FER1L6: variants seen among roughly 807,000 people sequenced by gnomAD.
FER1L6 encodes the protein fer-1 like family member 6.
In FER1L6, 177 loss-of-function variants were observed where a neutral mutation model predicts 219.2. That is an observed-to-expected ratio of 0.81 (90% CI 0.71 to 0.91). The LOEUF is 0.91. Ranked by LOEUF, FER1L6 falls within the 40% of genes least tolerant of loss-of-function variation. The pLI is 0.00. For synonymous variants in FER1L6, 768 were observed against 824.3 expected, an observed-to-expected ratio of 0.93 and a Z score of 1.17; for missense variants, 2,153 against 2,259.9, an observed-to-expected ratio of 0.95 and a Z score of 0.96.
chr8:124,096,231 T>G (rs938639961), intron 35 of FER1L6, among the ~76,000 whole-genome samples: 5 of 152,368 alleles, frequency 3.3e-5, no homozygotes, highest in Admixed American at 2.6e-4. Context: ...GCTGGTCAGA[T>G]GTGGCTTTTT....
chr8:124,095,512 G>A (rs1239117040), intron 35 of FER1L6, among the ~76,000 whole-genome samples: 1 of 152,160 alleles, frequency 6.6e-6, no homozygotes, highest in Non-Finnish European at 1.5e-5. Flanking sequence ...TAGGTGGTAG[G>A]TTACCTTAAA....
intron 32 of FER1L6, among the ~76,000 whole-genome samples, chr8:124,077,838 T>C (rs541408157): frequency 9.8e-5 from 15 of 152,286 alleles, no homozygotes; most frequent in African/African-American, 3.4e-4. Flanking sequence ...AACAAAAGTT[T>C]CCAGCACAAT....
chr8:124,056,700 T>C (rs371365844), intron 22 of FER1L6, among the ~76,000 whole-genome samples: 3 of 152,148 alleles, frequency 2.0e-5, no homozygotes, highest in Middle Eastern at 3.2e-3. Context: ...CACCCTAAAA[T>C]AGGCTTAATG....
rs369383564 is a variant in FER1L6, at chr8:123,862,848, T to C, written c.-8+10663T>C. On this transcript the variant is annotated intron_variant, in intron 1 of 40. Coordinates refer to ENST00000522917, the MANE Select transcript of FER1L6 (RefSeq NM_001039112.2). ...ATATCCCCTTTATCATTTTTTATTG[T>C]GTCTATTTGATTCTTCTCTCTCTTT... Among the ~76,000 whole-genome samples the C allele has an allele frequency of 7.4e-3, 1,026 of 138,636 alleles. 14 individuals are homozygous for C. The highest frequency in any genetic ancestry group is 0.016 in the African/African-American group (550 of 33,456). The allele number at this position is 138,636 out of a possible 152,430, so 91.0% of individuals were successfully genotyped here.
chr8:124,023,957 C>A (rs1035574423), intron 18 of FER1L6, among the ~76,000 whole-genome samples: 3 of 150,012 alleles, frequency 2.0e-5, no homozygotes, highest in African/African-American at 7.4e-5. Context: ...AGTGCAGTGG[C>A]GTGACCTCGG....
chr8:124,060,623 T>C lies in FER1L6; in HGVS notation c.3061T>C (p.Cys1021Arg), dbSNP rs762670323. 58 of 1,613,940 alleles carry C rather than the reference T, an allele frequency of 3.6e-5. No homozygotes were observed. In the East Asian group the frequency reaches 5.8e-4, roughly 16 times the overall value. The change falls in exon 24 of 41, where the codon TGC (cysteine) becomes CGC (arginine). Residue 1021 changes from cysteine (C) to arginine (R), a missense_variant. By Grantham distance (180) the Cys-to-Arg change is radical (BLOSUM62 -3). Transcript: ENST00000522917. ...GGATCGGCCTCAGGCTCTCATTGAG[T>C]GCGGAGGACAAGGTGTGAAGTCCTG... Reference protein sequence around the residue: ...SVDRPQALIECGGQGVKSCVI... With the variant: ...SVDRPQALIERGGQGVKSCVI...
chr8:124,091,226 T>A (rs1822014352), intron 33 of FER1L6, among the ~76,000 whole-genome samples, 197 bp from the exon 34 acceptor site: 1 of 152,218 alleles, frequency 6.6e-6, no homozygotes, highest in Non-Finnish European at 1.5e-5. Context: ...CAAAACTACC[T>A]TCAAAGGATT....
At chr8:123,888,744 G>A (rs937985595) in intron 1 of FER1L6, among the ~76,000 whole-genome samples, 5 of 152,176 alleles carry the variant, frequency 3.3e-5, no homozygotes, top group Non-Finnish European at 5.9e-5. Context: ...AGACTGGTGA[G>A]TTTGTACTGC....
chr8:123,902,597 G>C (rs1309762408), intron 1 of FER1L6, among the ~76,000 whole-genome samples: 1 of 152,128 alleles, frequency 6.6e-6, no homozygotes, highest in Non-Finnish European at 1.5e-5. Context: ...TTTCTTTAAA[G>C]TTTGATTTGT....
In FER1L6 at chr8:124,111,240, T is replaced by G. The variant is rs984752726; in HGVS notation, c.5290-7604T>G. ...TTTTCAACAGGGAGAACTAAGCCTC[T>G]CATTTTTAATTTTTATTTGTTGCCC... On this transcript the variant is annotated intron_variant, in intron 39 of 40. Transcript: ENST00000522917. This position sits in a 1 kb window ranked among gnomAD's most constrained non-coding sequence, Gnocchi z 5.0. 4.6e-5 allele frequency among the ~76,000 whole-genome samples: 7 copies of G among 152,334 alleles called. No individual in the cohort carries two copies. Among genetic ancestry groups the G allele is most frequent in the African/African-American group, 1.7e-4 (7 of 41,584 alleles).
chr8:123,894,614 T>C (rs1261617695), intron 1 of FER1L6, among the ~76,000 whole-genome samples: 1 of 152,146 alleles, frequency 6.6e-6, no homozygotes, highest in Admixed American at 6.5e-5. Flanking sequence ...ACAGTGACAC[T>C]CCAATAGCAA....
At chr8:124,063,042 C>T (rs908186937) in intron 25 of FER1L6, among the ~76,000 whole-genome samples, 1 of 152,152 alleles carries the variant, frequency 6.6e-6, no homozygotes, top group Non-Finnish European at 1.5e-5. Flanking sequence ...TTTATTTTAA[C>T]TTGTATTTCT....
chr8:124,017,168 A>T (rs1165143339), intron 15 of FER1L6, among the ~76,000 whole-genome samples: 2 of 152,168 alleles, frequency 1.3e-5, no homozygotes, highest in African/African-American at 4.8e-5. Context: ...TTTCCTATTT[A>T]ACACATTTTT....
Position 123,853,841 on chromosome 8 carries a change from A to C in FER1L6, c.-8+1656A>C, listed in dbSNP as rs1416105774. On this transcript the variant is annotated intron_variant, in intron 1 of 40. Coordinates refer to ENST00000522917, the MANE Select transcript of FER1L6 (RefSeq NM_001039112.2). The surrounding 1 kb of genome is among the most constrained non-coding windows in gnomAD (Gnocchi z 6.6). ...AACATCGCGGCCTTGATGAAGCCACAGTGATGCTACCCAGGGACTCTGCAG... is the reference window on the plus strand; with the variant it reads ...AACATCGCGGCCTTGATGAAGCCACCGTGATGCTACCCAGGGACTCTGCAG... Among the ~76,000 whole-genome samples, 2 of 152,210 alleles carry C rather than the reference A, an allele frequency of 1.3e-5. No homozygotes were observed. The highest frequency in any genetic ancestry group is 4.8e-5 in the African/African-American group (2 of 41,454).
At chr8:124,115,460 C>A (rs114014825) in intron 39 of FER1L6, among the ~76,000 whole-genome samples, 3,004 of 152,130 alleles carry the variant, frequency 0.02, 86 homozygotes, top group African/African-American at 0.069. Flanking sequence ...TGGCGCAAGG[C>A]TCTTCATGAT....
rs535471573 is a variant in FER1L6, at chr8:123,977,420, C to G, written c.874C>G (p.Arg292Gly). 6.2e-7 allele frequency: 1 copy of G among 1,611,558 alleles called. No homozygotes were observed. Among genetic ancestry groups the G allele is most frequent in the Non-Finnish European group, 8.5e-7 (1 of 1,178,700 alleles). The change falls in exon 10 of 41, where the codon CGA becomes GGA. Residue 292 changes from arginine to glycine, a missense_variant. Coordinates refer to ENST00000522917, the MANE Select transcript of FER1L6 (RefSeq NM_001039112.2). Reference protein sequence around the residue: ...VEVSFAGQMGRTTVQKNCADP... With the variant: ...VEVSFAGQMGGTTVQKNCADP... ...GTCCTCCTGGCTGTGTTTTTAGGGG[C>G]GAACCACAGTGCAGAAGAACTGTGC...
At chr8:123,964,594 G>T (rs1456688451) in intron 3 of FER1L6, among the ~76,000 whole-genome samples, 3 of 151,942 alleles carry the variant, frequency 2.0e-5, no homozygotes, top group Admixed American at 1.3e-4. Context: ...CTCTGAATAG[G>T]GATTTCAGTC....
At chr8:123,956,586 A>G (rs1206898068) in intron 2 of FER1L6, among the ~76,000 whole-genome samples, 1 of 152,232 alleles carries the variant, frequency 6.6e-6, no homozygotes, top group African/African-American at 2.4e-5. Flanking sequence ...ATAAAGAGAG[A>G]GTAAATAAAG....
At chr8:124,053,427 C>CTTT (rs914625629) in intron 22 of FER1L6, among the ~76,000 whole-genome samples, 12 of 152,332 alleles carry the variant, frequency 7.9e-5, no homozygotes, top group Admixed American at 3.9e-4. Context: ...GACTTCTTCT[C>CTTT]TTTTGATCAC....
Sources: gnomAD v4.1 joint callset for allele counts (sites outside exome capture counted in the v4.1 genomes callset) on GRCh38, gnomAD v4.1.1 for gene constraint, Gnocchi (gnomAD v3.1) non-coding constraint, MANE v1.5 for transcripts, NCBI Gene and HGNC (gene_info 2026-07-23, HGNC 2026-07-21) for gene names.